Variants in PDE6G observed in about 807,000 individuals in gnomAD.
The protein encoded by PDE6G is rod cGMP 3',5'-cyclic phosphodiesterase subunit gamma.
Under a neutral mutation model 10.9 loss-of-function variants are expected in PDE6G, and 10 were observed. That is an observed-to-expected ratio of 0.91 (90% confidence interval 0.56 to 1.55). The LOEUF is 1.55. Among genes scored for constraint, PDE6G ranks in the 40% most tolerant of loss-of-function variants. The pLI, the probability that PDE6G is intolerant of heterozygous loss-of-function variation, is 0.00. For missense variants in PDE6G, 102 were observed against 110.1 expected, an observed-to-expected ratio of 0.93 and a Z score of 0.33; for synonymous variants, 41 against 42.8, an observed-to-expected ratio of 0.96 and a Z score of 0.16.
chr17:81,654,897 G>A lies in PDE6G; in HGVS notation c.-59-1533C>T, dbSNP rs1332762149. 4.6e-5 allele frequency among the ~76,000 whole-genome samples: 7 copies of A among 151,856 alleles called. No homozygotes were observed. The East Asian group carries it at 7.8e-4, about 17-fold the overall frequency. Reference sequence around the variant, plus strand: ...CCAGTAGCTGGGACTACAGGCGCCCGACACCACGCCCGGCTAATTTATTTT... The same window carrying A: ...CCAGTAGCTGGGACTACAGGCGCCCAACACCACGCCCGGCTAATTTATTTT... On this transcript the variant is annotated intron_variant, in intron 1 of 3. Transcript: ENST00000331056.
At chr17:81,655,947 G>A (rs1465883870) in intron 1 of PDE6G, among the ~76,000 whole-genome samples, 5 of 152,304 alleles carry the variant, frequency 3.3e-5, no homozygotes, top group Admixed American at 2.6e-4. Flanking sequence ...CCTCACTAAG[G>A]TTCAGCCTCT....
Position 81,653,988 on chromosome 17 carries a change from T to G in PDE6G, c.-59-624A>C, listed in dbSNP as rs2036409881. ...ACCATGCCCGGCTAATCTTTGCATT[T>G]TTGCATTTTTAGTAGAGACGGGGTT... On this transcript the variant is annotated intron_variant, in intron 1 of 3. Transcript: ENST00000331056. This position sits in a 1 kb window ranked among gnomAD's most constrained non-coding sequence, Gnocchi z 5.2. 6.6e-6 allele frequency among the ~76,000 whole-genome samples: 1 copy of G among 152,278 alleles called. No individual in the cohort carries two copies. Among genetic ancestry groups the G allele is most frequent in the South Asian group, 2.1e-4 (1 of 4,822 alleles).
Position 81,653,369 on chromosome 17 carries a change from G to C in PDE6G, c.-59-5C>G. On this transcript the variant is annotated splice_region_variant and splice_polypyrimidine_tract_variant and intron_variant, in intron 1 of 3. Coordinates refer to ENST00000331056, the MANE Select transcript of PDE6G (RefSeq NM_002602.4). The surrounding 1 kb of genome is among the most constrained non-coding windows in gnomAD (Gnocchi z 5.2). The stretch of plus-strand genomic sequence containing the variant: ...TGGACTCCCTCCTGCTGCGGTCTGG[G>C]GGCAGACCAGGCCCGGGTCCCAGTC... The C allele has an allele frequency of 2.5e-6, 4 of 1,578,196 alleles. No individual in the cohort carries two copies. Among genetic ancestry groups the C allele is most frequent in the Non-Finnish European group, 3.4e-6 (4 of 1,161,820 alleles).
rs569871426 is a variant in PDE6G at position 81,653,501 on chromosome 17, G to A, written c.-59-137C>T. 3.0e-5 allele frequency: 19 copies of A among 629,878 alleles called. 1 individual carries two copies. Among genetic ancestry groups the A allele is most frequent in the East Asian group, 1.1e-4 (4 of 36,204 alleles). The allele number at this position is 629,878 out of a possible 1,614,324, so 39.0% of individuals were successfully genotyped here. ...ATCCAGACAGCAGCCCCTGCAATCC[G>A]CCCTGGGGTAACCAGCCTGCCAGCT... On this transcript the variant is annotated intron_variant, in intron 1 of 3. Coordinates refer to ENST00000331056, the MANE Select transcript of PDE6G (RefSeq NM_002602.4). This position sits in a 1 kb window ranked among gnomAD's most constrained non-coding sequence, Gnocchi z 5.2.
Position 81,653,255 on chromosome 17 carries a change from G to C in PDE6G, c.51C>G (p.Ala17=). Residue 17 remains alanine, a synonymous_variant, in exon 2 of 4, where the codon GCC becomes GCG. Coordinates refer to ENST00000331056, the MANE Select transcript of PDE6G (RefSeq NM_002602.4). This position sits in a 1 kb window ranked among gnomAD's most constrained non-coding sequence, Gnocchi z 5.2. ...CTTTCCTGGGGGTGACAGGTCCCCC[G>C]GCCACCCTGGTGGCTGACCGGAACT... The part of the protein sequence containing the change: ...KAEFRSATRV[A]GGPVTPRKGP... 3 of 1,613,964 alleles carry C rather than the reference G, an allele frequency of 1.9e-6. No individual in the cohort carries two copies. The highest frequency in any genetic ancestry group is 1.7e-6 in the Non-Finnish European group (2 of 1,179,924).
At chr17:81,660,390 C>T (rs931379828), upstream of PDE6G, among the ~76,000 whole-genome samples, 3 of 152,080 alleles carry the variant, frequency 2.0e-5, no homozygotes, top group African/African-American at 4.8e-5. Context: ...CTAGCCTGGG[C>T]GACAGAGACT....
At position 81,653,434 on chromosome 17, in the gene PDE6G, C is replaced by T; in HGVS notation, c.-59-70G>A. 1 of 1,094,056 alleles carries T rather than the reference C, an allele frequency of 9.1e-7. No individual in the cohort carries two copies. 67.8% of individuals were successfully genotyped at this position (1,094,056 alleles called of 1,614,324 possible). A position where few individuals can be genotyped will look rare whatever the true frequency, so the allele number is the denominator to read the frequency against. Reference sequence around the variant, plus strand: ...CAACCCTTGTGGGGGTCTCAACCCACCGGTGGAGGGGCTGAGACCCAGCCC... The same window carrying T: ...CAACCCTTGTGGGGGTCTCAACCCATCGGTGGAGGGGCTGAGACCCAGCCC... On this transcript the variant is annotated intron_variant, in intron 1 of 3. Coordinates refer to ENST00000331056, the MANE Select transcript of PDE6G (RefSeq NM_002602.4). The surrounding 1 kb of genome is among the most constrained non-coding windows in gnomAD (Gnocchi z 5.2).
upstream of PDE6G, chr17:81,656,768 C>A (rs1282456094): frequency 6.4e-6 from 4 of 627,422 alleles, no homozygotes; most frequent in Non-Finnish European, 5.8e-6. Flanking sequence ...CAGGCTCCTG[C>A]AGCTGCCCAT....
chr17:81,657,131 C>T (rs2036457101), upstream of PDE6G: 1 of 164,442 alleles, frequency 6.1e-6, no homozygotes, highest in African/African-American at 2.4e-5. Flanking sequence ...GTCACAGGAG[C>T]TTAGAACAAC....
intron 1 of PDE6G, among the ~76,000 whole-genome samples, chr17:81,656,287 G>T (rs2036445720): frequency 6.6e-6 from 1 of 152,208 alleles, no homozygotes; most frequent in Non-Finnish European, 1.5e-5. Flanking sequence ...TGGAAGCACT[G>T]GTTACCATGG....
chr17:81,656,412 C>G, intron 1 of PDE6G, 81 bp downstream of exon 1: 1 of 707,340 alleles, frequency 1.4e-6, no homozygotes, highest in Non-Finnish European at 2.6e-6. Flanking sequence ...TCCCTCTGCC[C>G]CTTGGGTGAT....
rs1458977592 is a variant in PDE6G at position 81,653,391 on chromosome 17, A to G, written c.-59-27T>C. 1 of 1,512,146 alleles carries G rather than the reference A, an allele frequency of 6.6e-7. No homozygotes were observed. Among genetic ancestry groups the G allele is most frequent in the Admixed American group, 1.8e-5 (1 of 54,184 alleles). The allele number at this position is 1,512,146 out of a possible 1,614,324, so 93.7% of individuals were successfully genotyped here. A position where few individuals can be genotyped will look rare whatever the true frequency, so the allele number is the denominator to read the frequency against. Reference sequence around the variant, plus strand: ...TGGGGGCAGACCAGGCCCGGGTCCCAGTCAGCCCTCCTGCTTCCAACCCTT... The same window carrying G: ...TGGGGGCAGACCAGGCCCGGGTCCCGGTCAGCCCTCCTGCTTCCAACCCTT... On this transcript the variant is annotated intron_variant, in intron 1 of 3. Transcript: ENST00000331056. This position sits in a 1 kb window ranked among gnomAD's most constrained non-coding sequence, Gnocchi z 5.2.
chr17:81,656,705 G>A (rs1477915729), upstream of PDE6G: 3 of 694,522 alleles, frequency 4.3e-6, no homozygotes, highest in South Asian at 3.0e-5. Flanking sequence ...CTCCAAGGAA[G>A]GACACCCAGC....
At chr17:81,657,889 A>G (rs1598723015), upstream of PDE6G, among the ~76,000 whole-genome samples, 1 of 126,072 alleles carries the variant, frequency 7.9e-6, no homozygotes, top group African/African-American at 3.5e-5. Context: ...TCAAATGAAT[A>G]AATAAATAAA....
intron 1 of PDE6G, 21 bp downstream of exon 1, chr17:81,656,472 G>T (rs749253611): frequency 1.5e-5 from 11 of 758,214 alleles, no homozygotes; most frequent in Admixed American, 3.4e-5. Context: ...AGGAAAGACA[G>T]CGGGGTTGGC....
chr17:81,662,727 A>G (rs2036524889), intron 1 of PDE6G, among the ~76,000 whole-genome samples: 1 of 152,180 alleles, frequency 6.6e-6, no homozygotes, highest in Non-Finnish European at 1.5e-5. Context: ...GGCCGGGCAC[A>G]GTGGCTCATG....
At chr17:81,656,237 G>A (rs958140023) in intron 1 of PDE6G, among the ~76,000 whole-genome samples, 34 of 152,218 alleles carry the variant, frequency 2.2e-4, no homozygotes, top group Admixed American at 2.2e-3. Context: ...CTGAGCCCAC[G>A]TGGCCTGAGG....
In PDE6G at chr17:81,654,148, TCCTGCTGGGAATGGG is replaced by T. The variant is rs553550448; in HGVS notation, c.-59-799_-59-785del. ...TACTCTGATGAAAGTCCTCTGTGGC[TCCTGCTGGGAATGGG>T]CCTGCCAGGCCCAGCAGAGGAGCCT... is the stretch of plus-strand genomic sequence containing the variant. On this transcript the variant is annotated intron_variant, in intron 1 of 3. Coordinates refer to ENST00000331056, the MANE Select transcript of PDE6G (RefSeq NM_002602.4). 6.2e-3 allele frequency among the ~76,000 whole-genome samples: 950 copies of T among 152,020 alleles called. 4 individuals carry two copies. Among genetic ancestry groups the T allele is most frequent in the Non-Finnish European group, 9.3e-3 (635 of 67,966 alleles).
upstream of PDE6G, chr17:81,656,674 G>A (rs1490221358): frequency 4.3e-6 from 3 of 702,200 alleles, no homozygotes. Flanking sequence ...TGGAGAGGAG[G>A]GGCTCAGGTG....
Sources: gnomAD v4.1 joint callset for allele counts (sites outside exome capture counted in the v4.1 genomes callset) on GRCh38, gnomAD v4.1.1 for gene constraint, Gnocchi (gnomAD v3.1) non-coding constraint, MANE v1.5 for transcripts, NCBI Gene and HGNC (gene_info 2026-07-23, HGNC 2026-07-21) for gene names.